The following RPS6KA1 variants were observed in gnomAD, a reference collection of about 807,000 sequenced individuals.
RPS6KA1 encodes the protein ribosomal protein S6 kinase A1, also known as ribosomal protein S6 kinase alpha-1.
In RPS6KA1, 48 loss-of-function variants were observed where a neutral mutation model predicts 91.3. The ratio of observed to expected loss-of-function variants is 0.53; its 90% CI spans 0.42 to 0.67. The LOEUF (loss-of-function observed/expected upper bound fraction) is 0.67, where lower values mean the gene tolerates loss of function less well. RPS6KA1 is among the 30% of genes least tolerant of loss of function. The pLI, the probability that RPS6KA1 is intolerant of heterozygous loss-of-function variation, is 0.00. For synonymous variants in RPS6KA1, 359 were observed against 384.7 expected (o/e 0.93, Z 0.78); for missense variants, 719 against 960.5 (o/e 0.75, Z 3.32).
chr1:26,573,260 C>A lies in RPS6KA1; in HGVS notation c.1984C>A (p.Gln662Lys). The A allele has an allele frequency of 6.2e-7, 1 of 1,614,208 alleles. No homozygotes were observed. Among genetic ancestry groups the A allele is most frequent in the South Asian group, 1.1e-5 (1 of 91,090 alleles). Residue 662 changes from glutamine (Q) to lysine (K), a missense_variant, in exon 21 of 22, where the codon CAG (glutamine) becomes AAG (lysine). Physicochemically the swap from Gln to Lys is moderately conservative, Grantham distance 53. Around this residue, in one of 5 missense-constraint regions of RPS6KA1, gnomAD observed 249 missense variants for 323.1 expected, o/e 0.77. Transcript: ENST00000374168. The stretch of plus-strand genomic sequence containing the variant: ...CAAGATGCTACACGTGGATCCCCAC[C>A]AGCGCCTCACAGCTAAGCAGGTTCT... ...VSKMLHVDPH[Q>K]RLTAKQVLQH...
At chr1:26,568,891 C>T (rs2124669193) in intron 17 of RPS6KA1, among the ~76,000 whole-genome samples, 1 of 152,036 alleles carries the variant, frequency 6.6e-6, no homozygotes, top group African/African-American at 2.4e-5. Context: ...CTCTAACCTA[C>T]ATGCAAGTGA....
intron 1 of RPS6KA1, among the ~76,000 whole-genome samples, chr1:26,535,602 G>A (rs1289119740): frequency 1.3e-5 from 2 of 152,120 alleles, no homozygotes; most frequent in Admixed American, 1.3e-4. Context: ...ACACACCCCA[G>A]CATATTTAAT....
intron 2 of RPS6KA1, among the ~76,000 whole-genome samples, chr1:26,541,102 T>A (rs925118485): frequency 2.0e-5 from 3 of 149,834 alleles, no homozygotes; most frequent in Non-Finnish European, 4.4e-5. Flanking sequence ...CTACAAAAAA[T>A]TTTTTAAAAA....
chr1:26,563,197 A>G (rs910076959), intron 17 of RPS6KA1, among the ~76,000 whole-genome samples: 1 of 151,712 alleles, frequency 6.6e-6, no homozygotes, highest in African/African-American at 2.4e-5. Context: ...GAATACCTGT[A>G]AGTTCCACAC....
intron 17 of RPS6KA1, among the ~76,000 whole-genome samples, chr1:26,567,122 TC>T (rs2076209720): frequency 6.6e-6 from 1 of 151,850 alleles, no homozygotes; most frequent in Non-Finnish European, 1.5e-5. Flanking sequence ...GCTCAAGTGA[TC>T]CTTCCTCCTC....
intron 2 of RPS6KA1, chr1:26,545,746 TG>T: frequency 9.2e-7 from 1 of 1,088,506 alleles, no homozygotes; most frequent in Non-Finnish European, 1.2e-6. Flanking sequence ...GGTGTAGGCC[TG>T]GTGCTGGGAA....
chr1:26,534,023 C>T (rs1437736573), intron 1 of RPS6KA1, among the ~76,000 whole-genome samples: 1 of 152,172 alleles, frequency 6.6e-6, no homozygotes, highest in Non-Finnish European at 1.5e-5. Flanking sequence ...GTAGAGGCAG[C>T]CAGACTGCCT....
At position 26,554,330 on chromosome 1, in the gene RPS6KA1, G is replaced by A; in HGVS notation, c.613+79G>A. 1 of 1,424,308 alleles carries A rather than the reference G, an allele frequency of 7.0e-7. No individual in the cohort carries two copies. The highest frequency in any genetic ancestry group is 9.6e-7 in the Non-Finnish European group (1 of 1,045,032). The allele number at this position is 1,424,308 out of a possible 1,614,324, so 88.2% of individuals were successfully genotyped here. A position where few individuals can be genotyped will look rare whatever the true frequency, so the allele number is the denominator to read the frequency against. On this transcript the variant is annotated intron_variant, in intron 8 of 21. Coordinates refer to ENST00000374168, the MANE Select transcript of RPS6KA1 (RefSeq NM_002953.4). The surrounding 1 kb of genome is among the most constrained non-coding windows in gnomAD (Gnocchi z 4.6). The stretch of plus-strand genomic sequence containing the variant: ...ATGATAGGTCTCGGCTGAGTGCTGG[G>A]GGCTCATTCTTCCCGAGAAGCCGTG...
chr1:26,537,053 C>T, intron 2 of RPS6KA1, 84 bp downstream of exon 2: 1 of 1,431,566 alleles, frequency 7.0e-7, no homozygotes, highest in Non-Finnish European at 9.9e-7. Flanking sequence ...GGGCTCCAGC[C>T]TCTAGCCCCT....
At position 26,546,950 on chromosome 1, in the gene RPS6KA1, C is replaced by T. The variant is rs370115968; in HGVS notation, c.192C>T (p.Leu64=). 32 of 1,614,162 alleles carry T rather than the reference C, an allele frequency of 2.0e-5. No homozygotes were observed. The highest frequency in any genetic ancestry group is 8.0e-5 in the African/African-American group (6 of 75,046). The change falls in exon 3 of 22, where the codon CTC becomes CTT. Residue 64 remains leucine (L), a synonymous_variant. Transcript: ENST00000374168. ...SEKADPSHFE[L]LKVLGQGSFG... Reference sequence around the variant, plus strand: ...AGGCTGATCCATCCCATTTCGAGCTCCTCAAGGTTCTGGGCCAGGGATCCT... The same window carrying T: ...AGGCTGATCCATCCCATTTCGAGCTTCTCAAGGTTCTGGGCCAGGGATCCT...
intron 1 of RPS6KA1, among the ~76,000 whole-genome samples, chr1:26,532,838 G>T (rs1165714716): frequency 6.6e-6 from 1 of 152,212 alleles, no homozygotes; most frequent in African/African-American, 2.4e-5. Context: ...GGGGCCCTGG[G>T]CATCTGTCCT....
chr1:26,550,434 G>A (rs1210415889), intron 4 of RPS6KA1, among the ~76,000 whole-genome samples: 4 of 147,496 alleles, frequency 2.7e-5, no homozygotes, highest in Middle Eastern at 7.6e-3. Context: ...TGCCTGCCTC[G>A]GCCTCCCAAA....
intron 1 of RPS6KA1, among the ~76,000 whole-genome samples, chr1:26,535,301 G>A (rs537071543): frequency 3.6e-4 from 55 of 152,148 alleles, no homozygotes; most frequent in Non-Finnish European, 7.8e-4. Context: ...GAGTGGCAAT[G>A]GGGAGCTGTT....
chr1:26,559,989 G>A (rs2076140102), intron 14 of RPS6KA1, among the ~76,000 whole-genome samples: 1 of 152,170 alleles, frequency 6.6e-6, no homozygotes, highest in South Asian at 2.1e-4. Context: ...CTACTTGGGA[G>A]GCAGAGGTTG....
intron 6 of RPS6KA1, chr1:26,552,849 A>G: frequency 4.7e-6 from 2 of 422,660 alleles, no homozygotes; most frequent in Non-Finnish European, 4.7e-6. Context: ...AAAAATATTC[A>G]TGAAGAAGTC....
At chr1:26,553,200 C>T (rs1199042265) in intron 6 of RPS6KA1, among the ~76,000 whole-genome samples, 191 bp from the exon 7 acceptor site, 1 of 152,138 alleles carries the variant, frequency 6.6e-6, no homozygotes, top group African/African-American at 2.4e-5. Context: ...TGAATGGTGC[C>T]ACAATGAGTG....
At chr1:26,573,964 A>G in intron 21 of RPS6KA1, 115 bp from the exon 22 acceptor site, 2 of 1,280,082 alleles carry the variant, frequency 1.6e-6, no homozygotes, top group Non-Finnish European at 2.1e-6. Flanking sequence ...CAAAAACAAA[A>G]CCAAAAAAAG....
rs143919297 is a variant in RPS6KA1 at position 26,556,609 on chromosome 1, G to A, written c.917-45G>A. The A allele has an allele frequency of 1.3e-4, 205 of 1,605,898 alleles. No individual in the cohort carries two copies. The African/African-American group carries it at 2.3e-3, about 18-fold the overall frequency. ...GCTTGGTGGGCAGGGTAATATCTGG[G>A]ACTTGTGCCAGCCAGGGACAGACCC... On this transcript the variant is annotated intron_variant, in intron 11 of 21. Coordinates refer to ENST00000374168, the MANE Select transcript of RPS6KA1 (RefSeq NM_002953.4).
In RPS6KA1 at chr1:26,558,714, G is replaced by A. The variant is rs1218401711; in HGVS notation, c.1085-93G>A. On this transcript the variant is annotated intron_variant, in intron 13 of 21. Coordinates refer to ENST00000374168, the MANE Select transcript of RPS6KA1 (RefSeq NM_002953.4). This position sits in a 1 kb window ranked among gnomAD's most constrained non-coding sequence, Gnocchi z 4.0. ...CCCGCCACGGCCAGCCCCTGAGGCA[G>A]GTCTGGAGGCCCTGTGCTCCCCCTT... 2 of 1,465,648 alleles carry A rather than the reference G, an allele frequency of 1.4e-6. No homozygotes were observed. Among genetic ancestry groups the A allele is most frequent in the East Asian group, 4.6e-5 (2 of 43,254 alleles). 90.8% of individuals were successfully genotyped at this position (1,465,648 alleles called of 1,614,324 possible). A position where few individuals can be genotyped will look rare whatever the true frequency, so the allele number is the denominator to read the frequency against.
Sources: gnomAD v4.1 joint callset for allele counts (sites outside exome capture counted in the v4.1 genomes callset) on GRCh38, gnomAD v4.1.1 for gene constraint, gnomAD v4.1.1 regional missense constraint, Gnocchi (gnomAD v3.1) non-coding constraint, MANE v1.5 for transcripts, NCBI Gene and HGNC (gene_info 2026-07-23, HGNC 2026-07-21) for gene names.